The following HTR4 variants were observed in gnomAD, a reference collection of about 807,000 sequenced individuals.
HTR4 encodes the protein 5-hydroxytryptamine receptor 4, also known as 5-hydroxytryptamine (serotonin) receptor 4, G protein-coupled.
In HTR4, 16 loss-of-function variants were observed where a neutral mutation model predicts 36.8. The ratio of observed to expected loss-of-function variants is 0.43; its 90% CI spans 0.29 to 0.66. The LOEUF is 0.66. Ranked by LOEUF, HTR4 falls within the 30% of genes least tolerant of loss-of-function variation. The probability of loss-of-function intolerance (pLI) is 0.13; values close to 1 mark genes in which losing one functional copy is unlikely to be tolerated. For missense variants in HTR4, 438 were observed against 490.9 expected (o/e 0.89, Z 1.02); for synonymous variants, 189 against 185.1 (o/e 1.02, Z -0.17).
At chr5:148,641,131 G>T (rs533134819) in intron 1 of HTR4, among the ~76,000 whole-genome samples, 81 of 152,328 alleles carry the variant, frequency 5.3e-4, no homozygotes, top group Non-Finnish European at 9.1e-4. Flanking sequence ...ATTGCATAGG[G>T]TGAGGGGGAT....
intron 4 of HTR4, among the ~76,000 whole-genome samples, chr5:148,547,544 A>T (rs1225349371): frequency 9.3e-6 from 1 of 107,678 alleles, no homozygotes; most frequent in African/African-American, 4.0e-5. Context: ...AATAAAATAA[A>T]ATAAAATAAA....
chr5:148,609,580 G>A (rs1407717365), intron 2 of HTR4, among the ~76,000 whole-genome samples: 1 of 126,156 alleles, frequency 7.9e-6, no homozygotes, highest in Non-Finnish European at 1.7e-5. Context: ...AATTTTTAAG[G>A]GTTTTTTTTT....
At chr5:148,649,099 G>T (rs1753956878) in intron 1 of HTR4, among the ~76,000 whole-genome samples, 1 of 152,084 alleles carries the variant, frequency 6.6e-6, no homozygotes, top group Non-Finnish European at 1.5e-5. Flanking sequence ...ATCTGTAGAT[G>T]AGAGAGACAA....
chr5:148,465,363 C>T (rs1755398502), intron 5 of HTR4, among the ~76,000 whole-genome samples: 1 of 152,136 alleles, frequency 6.6e-6, no homozygotes, highest in African/African-American at 2.4e-5. Flanking sequence ...GTACCTTCCC[C>T]TCAGTTATGC....
At chr5:148,592,930 G>A in intron 2 of HTR4, among the ~76,000 whole-genome samples, 1 of 151,860 alleles carries the variant, frequency 6.6e-6, no homozygotes, top group Non-Finnish European at 1.5e-5. Flanking sequence ...TTTAAATTTT[G>A]ATTACTATGT....
chr5:148,508,078 T>G (rs1757309085), intron 6 of HTR4, among the ~76,000 whole-genome samples: 1 of 152,198 alleles, frequency 6.6e-6, no homozygotes, highest in South Asian at 2.1e-4. Context: ...ATGGAATTCA[T>G]GCTCTGAGCA....
At chr5:148,593,212 T>C (rs1761639830) in intron 2 of HTR4, among the ~76,000 whole-genome samples, 1 of 152,182 alleles carries the variant, frequency 6.6e-6, no homozygotes, top group Non-Finnish European at 1.5e-5. Context: ...CTGTGAGAAT[T>C]CTGGACAACT....
chr5:148,562,337 C>T (rs1760253823), intron 2 of HTR4, among the ~76,000 whole-genome samples: 1 of 152,136 alleles, frequency 6.6e-6, no homozygotes, highest in African/African-American at 2.4e-5. Flanking sequence ...AAGAACATGG[C>T]ATTAAGACAC....
intron 6 of HTR4, chr5:148,490,492 A>G (rs1756367626): frequency 7.9e-6 from 6 of 755,570 alleles, no homozygotes; most frequent in Non-Finnish European, 9.7e-6. Context: ...GCTGAAATAG[A>G]GTTTGCTGTC....
intron 2 of HTR4, among the ~76,000 whole-genome samples, chr5:148,561,395 T>C (rs1760200037): frequency 6.6e-6 from 1 of 152,308 alleles, no homozygotes; most frequent in East Asian, 1.9e-4. Context: ...TCTGGAGAGA[T>C]ACCCACTGCT....
intron 4 of HTR4, among the ~76,000 whole-genome samples, chr5:148,524,803 T>C (rs1201281593): frequency 6.6e-6 from 1 of 152,206 alleles, no homozygotes; most frequent in East Asian, 1.9e-4. Context: ...ACCTCTTCTT[T>C]TCTTTTCTTA....
intron 6 of HTR4, among the ~76,000 whole-genome samples, chr5:148,487,761 TAG>T (rs1480570994): frequency 6.7e-6 from 1 of 148,152 alleles, no homozygotes. Flanking sequence ...ATAGAGACAG[TAG>T]AGAGAGCGAG....
downstream of HTR4, chr5:148,476,829 A>C: frequency 6.2e-7 from 1 of 1,600,782 alleles, no homozygotes. Flanking sequence ...AACAAATAAA[A>C]TGTTTGGGGA....
intron 2 of HTR4, among the ~76,000 whole-genome samples, chr5:148,599,996 C>T (rs1761926058): frequency 1.3e-5 from 2 of 151,204 alleles, no homozygotes; most frequent in South Asian, 2.1e-4. Flanking sequence ...GTACTTCTAA[C>T]AAATCAATAA....
intron 2 of HTR4, among the ~76,000 whole-genome samples, chr5:148,611,309 T>G (rs2127280526): frequency 6.6e-6 from 1 of 152,180 alleles, no homozygotes; most frequent in African/African-American, 2.4e-5. Flanking sequence ...GGGAAGCCCA[T>G]CAGACTAACA....
At chr5:148,547,815 T>C (rs1408509292) in intron 4 of HTR4, among the ~76,000 whole-genome samples, 7 of 152,148 alleles carry the variant, frequency 4.6e-5, no homozygotes, top group Non-Finnish European at 2.9e-5. Context: ...GTTGGGTTGC[T>C]CAAGACACAG....
intron 6 of HTR4, among the ~76,000 whole-genome samples, chr5:148,499,124 T>C (rs1561579518): frequency 6.6e-6 from 1 of 152,182 alleles, no homozygotes; most frequent in Non-Finnish European, 1.5e-5. Context: ...TTACTACTTG[T>C]GTGACTTTGG....
chr5:148,583,691 T>A (rs900072153), intron 2 of HTR4, among the ~76,000 whole-genome samples: 2 of 151,974 alleles, frequency 1.3e-5, no homozygotes, highest in African/African-American at 4.8e-5. Flanking sequence ...AACACAAAAG[T>A]GTCCAGTAGC....
chr5:148,510,798 G>A (rs1757461365), intron 5 of HTR4, among the ~76,000 whole-genome samples: 1 of 152,118 alleles, frequency 6.6e-6, no homozygotes, highest in Non-Finnish European at 1.5e-5. Context: ...AGATAACACA[G>A]AGTAACACAG....
Sources: gnomAD v4.1 joint callset for allele counts (sites outside exome capture counted in the v4.1 genomes callset) on GRCh38, gnomAD v4.1.1 for gene constraint, MANE v1.5 for transcripts, NCBI Gene and HGNC (gene_info 2026-07-23, HGNC 2026-07-21) for gene names.